The following DYM variants were observed in gnomAD, a reference collection of about 807,000 sequenced individuals.
DYM encodes the protein dymeclin.
DYM carries 78 observed loss-of-function variants against 93.1 expected under a neutral mutation model. That is an observed-to-expected ratio of 0.84 (90% CI 0.70 to 1.01). DYM has a LOEUF of 1.01. Among genes scored for constraint, DYM ranks in the 50% least tolerant of loss-of-function variants. DYM has a pLI of 0.00. For missense variants in DYM, 789 were observed against 845.0 expected (o/e 0.93, Z 0.82); for synonymous variants, 321 against 319.7 (o/e 1.00, Z -0.04).
At chr18:49,254,333 T>C (rs992446655) in intron 13 of DYM, among the ~76,000 whole-genome samples, 52 of 144,772 alleles carry the variant, frequency 3.6e-4, no homozygotes, top group African/African-American at 1.2e-3. Flanking sequence ...TATACACACA[T>C]AGATGGGTCC....
intron 1 of DYM, among the ~76,000 whole-genome samples, chr18:49,436,293 G>A (rs2148522832): frequency 6.6e-6 from 1 of 152,172 alleles, no homozygotes; most frequent in South Asian, 2.1e-4. Flanking sequence ...TGGAATTAGA[G>A]GTATGAGCCA....
At chr18:49,097,200 G>C (rs1236316819) in intron 17 of DYM, 1 of 612,454 alleles carries the variant, frequency 1.6e-6, no homozygotes, top group Non-Finnish European at 2.9e-6. Flanking sequence ...GCATGCCATG[G>C]CTACTTGTAG....
intron 3 of DYM, 179 bp downstream of exon 3, chr18:49,391,414 C>T (rs940790263): frequency 4.7e-6 from 3 of 632,544 alleles, no homozygotes; most frequent in Non-Finnish European, 8.7e-6. Context: ...AAGCATGTGT[C>T]ATATTGCTAT....
chr18:49,076,560 T>C (rs1412032145), intron 17 of DYM, among the ~76,000 whole-genome samples: 3 of 152,214 alleles, frequency 2.0e-5, no homozygotes, highest in African/African-American at 7.2e-5. Flanking sequence ...GTTCACATCC[T>C]GATGACACCT....
At chr18:49,289,221 T>C (rs2059860234) in intron 8 of DYM, among the ~76,000 whole-genome samples, 1 of 152,054 alleles carries the variant, frequency 6.6e-6, no homozygotes, top group South Asian at 2.1e-4. Context: ...AAACCTTGAG[T>C]CAGGGAAGCC....
intron 10 of DYM, among the ~76,000 whole-genome samples, chr18:49,277,426 T>A (rs1405171709): frequency 1.3e-5 from 2 of 151,960 alleles, no homozygotes; most frequent in African/African-American, 4.8e-5. Context: ...ACCAGCAGAG[T>A]ACAATGATTG....
intron 8 of DYM, among the ~76,000 whole-genome samples, chr18:49,306,664 C>T (rs1183521020): frequency 1.3e-5 from 2 of 152,090 alleles, no homozygotes; most frequent in African/African-American, 4.8e-5. Context: ...AACTATGAAA[C>T]CTGAGCATGT....
At chr18:49,250,879 T>C (rs764814693) in intron 13 of DYM, among the ~76,000 whole-genome samples, 2 of 152,220 alleles carry the variant, frequency 1.3e-5, no homozygotes, top group African/African-American at 2.4e-5. Context: ...CAAATGGCAA[T>C]TGAAGACGAA....
At chr18:49,046,096 A>ACC (rs753674598) in intron 17 of DYM, among the ~76,000 whole-genome samples, 1 of 151,850 alleles carries the variant, frequency 6.6e-6, no homozygotes, top group Non-Finnish European at 1.5e-5. Context: ...ACACACACAC[A>ACC]CACACCCACA....
chr18:49,341,735 T>A (rs74743879), intron 6 of DYM, among the ~76,000 whole-genome samples: 1,634 of 152,278 alleles, frequency 0.011, 28 homozygotes, highest in African/African-American at 0.038. Context: ...ATTTATGAAG[T>A]GACTGTAGAC....
At position 49,283,739 on chromosome 18, in the gene DYM, A is replaced by G. The variant is rs554565112; in HGVS notation, c.947-1564T>C. Among the ~76,000 whole-genome samples, 54 of 152,328 alleles carry G rather than the reference A, an allele frequency of 3.5e-4. No individual in the cohort carries two copies. In the South Asian group the frequency reaches 0.011, roughly 32 times the overall value. On this transcript the variant is annotated intron_variant, in intron 9 of 17. Transcript: ENST00000675505. Reference sequence around the variant, plus strand: ...AACACAGAAGCACTACCAAAACAAAACAACTTGCTTTAACATTTCTAAAAG... The same window carrying G: ...AACACAGAAGCACTACCAAAACAAAGCAACTTGCTTTAACATTTCTAAAAG...
intron 1 of DYM, among the ~76,000 whole-genome samples, chr18:49,438,907 G>C (rs1338818645): frequency 6.6e-6 from 1 of 152,150 alleles, no homozygotes; most frequent in Non-Finnish European, 1.5e-5. Context: ...CAATTTATTT[G>C]GAACTCTCAA....
rs901427068 is a variant in DYM at position 49,076,185 on chromosome 18, G to C, written c.2025+21217C>G. 2.0e-5 allele frequency among the ~76,000 whole-genome samples: 3 copies of C among 152,120 alleles called. No homozygotes were observed. The South Asian group carries it at 6.2e-4, about 32-fold the overall frequency. ...TCTCTGTATGTATCTGTGTGTCTCT[G>C]TATGTGTATGTGTGTGTAGAGATAT... On this transcript the variant is annotated intron_variant, in intron 17 of 17. Coordinates refer to ENST00000675505, the MANE Select transcript of DYM (RefSeq NM_001353214.3).
chr18:49,085,874 G>A (rs1241456985), intron 17 of DYM, among the ~76,000 whole-genome samples: 1 of 152,198 alleles, frequency 6.6e-6, no homozygotes, highest in African/African-American at 2.4e-5. Flanking sequence ...CAAAGTGCTG[G>A]GATTACAGGC....
chr18:49,054,402 C>T (rs377214302), intron 17 of DYM, among the ~76,000 whole-genome samples: 50 of 152,104 alleles, frequency 3.3e-4, no homozygotes, highest in Admixed American at 7.9e-4. Context: ...CCACTACGCC[C>T]GGCTAATTTG....
chr18:49,250,989 T>A (rs1216481659), intron 13 of DYM, among the ~76,000 whole-genome samples: 1 of 152,236 alleles, frequency 6.6e-6, no homozygotes, highest in Non-Finnish European at 1.5e-5. Flanking sequence ...TTGTGGGGTC[T>A]GTAGTGTGCA....
chr18:49,425,731 C>G (rs1055309008), intron 2 of DYM, among the ~76,000 whole-genome samples: 1 of 152,280 alleles, frequency 6.6e-6, no homozygotes, highest in Middle Eastern at 3.4e-3. Flanking sequence ...AAAAAGTAGG[C>G]AAAGGGTATG....
At chr18:49,252,820 A>T (rs2094318655) in intron 13 of DYM, among the ~76,000 whole-genome samples, 1 of 152,224 alleles carries the variant, frequency 6.6e-6, no homozygotes, top group African/African-American at 2.4e-5. Context: ...TTTCTAATCT[A>T]AAGCAATGCC....
At chr18:49,257,683 T>TAAA (rs34323925) in intron 12 of DYM, among the ~76,000 whole-genome samples, 1 of 146,032 alleles carries the variant, frequency 6.8e-6, no homozygotes, top group Non-Finnish European at 1.5e-5. Flanking sequence ...TTTGGCTATT[T>TAAA]AAAAAAAAAA....
Sources: allele counts gnomAD v4.1 joint callset (sites outside exome capture counted in the v4.1 genomes callset), GRCh38; gene constraint gnomAD v4.1.1; transcripts MANE v1.5; gene names NCBI Gene and HGNC (gene_info 2026-07-23, HGNC 2026-07-21).